The following MDH1 variants were observed in gnomAD, a reference collection of about 807,000 sequenced individuals.
MDH1 encodes the protein malate dehydrogenase 1.
Under a neutral mutation model 38.7 loss-of-function variants are expected in MDH1, and 15 were observed. That is an observed-to-expected ratio of 0.39 (90% CI 0.26 to 0.60). MDH1 has a LOEUF of 0.60. MDH1 is among the 20% of genes least tolerant of loss of function. The pLI, the probability that MDH1 is intolerant of heterozygous loss-of-function variation, is 0.56. For synonymous variants in MDH1, 144 were observed against 143.6 expected (o/e 1.00, Z -0.02); for missense variants, 368 against 405.2 (o/e 0.91, Z 0.79).
chr2:63,604,458 C>T (rs1709488988), intron 5 of MDH1, among the ~76,000 whole-genome samples: 1 of 152,220 alleles, frequency 6.6e-6, no homozygotes, highest in Non-Finnish European at 1.5e-5. Context: ...TGGGATGCTT[C>T]ATACCCTTAA....
chr2:63,601,452 C>G (rs910824588), intron 5 of MDH1, among the ~76,000 whole-genome samples: 1 of 152,088 alleles, frequency 6.6e-6, no homozygotes, highest in Non-Finnish European at 1.5e-5. Context: ...GACAATGATA[C>G]CAGTTAGCTT....
intron 1 of MDH1, among the ~76,000 whole-genome samples, chr2:63,594,090 CT>C (rs1317190117): frequency 1.3e-5 from 2 of 152,164 alleles, no homozygotes; most frequent in Non-Finnish European, 2.9e-5. Context: ...GCCTCTTTCA[CT>C]CTTCTTCTTG....
At position 63,594,595 on chromosome 2, in the gene MDH1, A is replaced by G. The variant is rs1709266960; in HGVS notation, c.102+9A>G. ...TCTTTGGTAAAGATCAGGTAGGAAC[A>G]GGTGTCTATAAATCTTAAGTTATTA... is the stretch of plus-strand genomic sequence containing the variant. On this transcript the variant is annotated intron_variant, in intron 2 of 8. Transcript: ENST00000233114. 3 of 1,572,184 alleles carry G rather than the reference A, an allele frequency of 1.9e-6. No individual in the cohort carries two copies. Among genetic ancestry groups the G allele is most frequent in the Non-Finnish European group, 2.6e-6 (3 of 1,143,590 alleles).
At chr2:63,605,206 G>A (rs951335465) in intron 6 of MDH1, 74 bp from the exon 7 acceptor site, 2 of 982,254 alleles carry the variant, frequency 2.0e-6, no homozygotes, top group African/African-American at 1.6e-5. Flanking sequence ...TCACCCCAAG[G>A]TCGACTTGGA....
At chr2:63,600,549 G>T (rs1709398995) in intron 5 of MDH1, among the ~76,000 whole-genome samples, 1 of 152,160 alleles carries the variant, frequency 6.6e-6, no homozygotes, top group South Asian at 2.1e-4. Flanking sequence ...GTTCTTATGA[G>T]GATTAAATAA....
chr2:63,595,475 G>A lies in MDH1; in HGVS notation c.155G>A (p.Gly52Asp), dbSNP rs1422312339. ...ACCCCCATGATGGGTGTCCTGGACG[G>A]TGTCCTAATGGAACTGCAAGACTGT... ...DITPMMGVLDGVLMELQDCAL... is the reference protein window; with the variant it reads ...DITPMMGVLDDVLMELQDCAL... The change falls in exon 3 of 9, where the codon GGT (glycine) becomes GAT (aspartate). Residue 52 changes from glycine to aspartate, a missense_variant. By Grantham distance (94) the Gly-to-Asp change is moderately conservative. Coordinates refer to ENST00000233114, the MANE Select transcript of MDH1 (RefSeq NM_005917.4). 3 of 1,613,618 alleles carry A rather than the reference G, an allele frequency of 1.9e-6. No individual in the cohort carries two copies. The highest frequency in any genetic ancestry group is 2.5e-6 in the Non-Finnish European group (3 of 1,179,538).
chr2:63,596,613 T>A (rs981879236), intron 3 of MDH1, among the ~76,000 whole-genome samples: 2 of 152,254 alleles, frequency 1.3e-5, no homozygotes, highest in South Asian at 4.2e-4. Flanking sequence ...TAATTTTTTT[T>A]TCTCCAACTG....
intron 5 of MDH1, among the ~76,000 whole-genome samples, chr2:63,600,675 T>G (rs927371394): frequency 3.6e-4 from 55 of 152,172 alleles, no homozygotes; most frequent in Non-Finnish European, 5.9e-5. Flanking sequence ...CATTCCTAAT[T>G]TAGAGGGTTG....
intron 7 of MDH1, 132 bp downstream of exon 7, chr2:63,605,525 TAA>T: frequency 2.9e-6 from 2 of 678,250 alleles, no homozygotes; most frequent in Non-Finnish European, 5.1e-6. Context: ...TATTAACAAG[TAA>T]ACTTCGGGGT....
At position 63,588,994 on chromosome 2, in the gene MDH1, C is replaced by T. The variant is rs1283711224; in HGVS notation, c.-50C>T. On this transcript the variant is annotated 5_prime_UTR_variant, in exon 1 of 9. Transcript: ENST00000233114. The stretch of plus-strand genomic sequence containing the variant: ...GTTCCGCGGTAGAGGTGACCTGACT[C>T]TCTGAGGCTCATTTTGCAGTTGTTG... The T allele has an allele frequency of 3.1e-6, 5 of 1,614,130 alleles. No homozygotes were observed. Among genetic ancestry groups the T allele is most frequent in the Non-Finnish European group, 3.4e-6 (4 of 1,179,994 alleles).
At chr2:63,594,250 G>A (rs1033792106) in intron 1 of MDH1, 3 of 601,770 alleles carry the variant, frequency 5.0e-6, no homozygotes, top group Middle Eastern at 2.8e-4. Flanking sequence ...CCCAAAAAAG[G>A]TGGATAAGAT....
chr2:63,598,407 G>C (rs1709358187), intron 4 of MDH1, among the ~76,000 whole-genome samples: 1 of 152,152 alleles, frequency 6.6e-6, no homozygotes, highest in Admixed American at 6.5e-5. Flanking sequence ...GGGATTACAG[G>C]TGTGAGCCAC....
chr2:63,597,627 T>G (rs12104443), intron 4 of MDH1, 53 bp downstream of exon 4: 2 of 1,328,888 alleles, frequency 1.5e-6, no homozygotes, highest in Non-Finnish European at 1.9e-6. Context: ...TTGAAACTTA[T>G]GCTTTTAGCA....
chr2:63,592,981 T>G (rs1709228011), intron 1 of MDH1: 2 of 152,190 alleles, frequency 1.3e-5, no homozygotes, highest in Middle Eastern at 3.4e-3. Flanking sequence ...GTGTAGGCCA[T>G]TAAAGATTTT....
chr2:63,589,190 G>A, intron 1 of MDH1, 144 bp downstream of exon 1: 1 of 1,600,856 alleles, frequency 6.2e-7, no homozygotes, highest in Non-Finnish European at 8.5e-7. Context: ...ATCTTCTGGG[G>A]ATTGCCGCAG....
chr2:63,597,856 G>A (rs1709347534), intron 4 of MDH1: 1 of 207,344 alleles, frequency 4.8e-6, no homozygotes, highest in African/African-American at 2.3e-5. Flanking sequence ...GGATCTTCTG[G>A]TGCATTTTTG....
rs575765462 is a variant in MDH1 at position 63,606,980 on chromosome 2, C to T, written c.998C>T (p.Ser333Phe). Reference protein sequence around the residue: ...EKESAFEFLSSA With the variant: ...EKESAFEFLSFA ...GAAAGTGCTTTTGAATTTCTTTCCT[C>T]TGCCTGACTAGACAATGATGTTACT... The change falls in exon 9 of 9, where the codon TCT (serine) becomes TTT (phenylalanine). Residue 333 changes from serine (S) to phenylalanine (F), a missense_variant. Coordinates refer to ENST00000233114, the MANE Select transcript of MDH1 (RefSeq NM_005917.4). 6.2e-7 allele frequency: 1 copy of T among 1,611,086 alleles called. No homozygotes were observed. The highest frequency in any genetic ancestry group is 1.7e-5 in the Admixed American group (1 of 59,652).
intron 5 of MDH1, among the ~76,000 whole-genome samples, chr2:63,600,615 G>C (rs1392737108): frequency 6.6e-6 from 1 of 152,164 alleles, no homozygotes; most frequent in East Asian, 1.9e-4. Flanking sequence ...AAGAAAGGTT[G>C]GCTGCTATTA....
At chr2:63,593,636 T>C (rs1186273187) in intron 1 of MDH1, 1 of 471,670 alleles carries the variant, frequency 2.1e-6, no homozygotes, top group South Asian at 1.5e-5. Context: ...CAGGTAGGGG[T>C]AAAGGTGACA....
Sources: gnomAD v4.1 joint callset for allele counts (sites outside exome capture counted in the v4.1 genomes callset) on GRCh38, gnomAD v4.1.1 for gene constraint, MANE v1.5 for transcripts, NCBI Gene and HGNC (gene_info 2026-07-23, HGNC 2026-07-21) for gene names.